AGFG1: variants seen among roughly 807,000 people sequenced by gnomAD.
The protein encoded by AGFG1 is arf-GAP domain and FG repeat-containing protein 1.
A neutral mutation model predicts 60.6 loss-of-function variants in AGFG1; 10 were observed. The ratio of observed to expected loss-of-function variants is 0.16; its 90% confidence interval spans 0.10 to 0.28. The LOEUF (loss-of-function observed/expected upper bound fraction) is 0.28, where lower values mean the gene tolerates loss of function less well. AGFG1 is among the 10% of genes least tolerant of loss of function. The pLI is 1.00. For synonymous variants in AGFG1, 247 were observed against 242.9 expected, an observed-to-expected ratio of 1.02 and a Z score of -0.16; for missense variants, 537 against 676.5, an observed-to-expected ratio of 0.79 and a Z score of 2.29.
intron 1 of AGFG1, among the ~76,000 whole-genome samples, chr2:227,486,486 G>A (rs546020815): frequency 3.7e-4 from 56 of 152,136 alleles, no homozygotes; most frequent in African/African-American, 1.3e-3. Context: ...CTTACATTTT[G>A]CCAACCAGTT....
At chr2:227,497,726 T>C (rs866558425) in intron 2 of AGFG1, among the ~76,000 whole-genome samples, 2 of 40,884 alleles carry the variant, frequency 4.9e-5, no homozygotes, top group Admixed American at 4.6e-4. Flanking sequence ...TGAGTTTCTT[T>C]CTTGTTTTGT....
At chr2:227,544,121 CTT>C (rs1358922541) in intron 10 of AGFG1, among the ~76,000 whole-genome samples, 2 of 139,972 alleles carry the variant, frequency 1.4e-5, no homozygotes, top group Admixed American at 1.4e-4. Flanking sequence ...GGTCTTGACT[CTT>C]TATCCAATTT....
intron 1 of AGFG1, among the ~76,000 whole-genome samples, chr2:227,490,910 G>A (rs991197895): frequency 2.6e-5 from 4 of 152,174 alleles, no homozygotes; most frequent in African/African-American, 9.7e-5. Flanking sequence ...AATCATGCAT[G>A]CAGCAATTTT....
At position 227,491,442 on chromosome 2, in the gene AGFG1, T is replaced by C. The variant is rs570808900; in HGVS notation, c.168-105T>C. 230 of 663,710 alleles carry C rather than the reference T, an allele frequency of 3.5e-4. No homozygotes were observed. The East Asian group carries it at 6.6e-3, about 19-fold the overall frequency. The allele number at this position is 663,710 out of a possible 1,614,324, so 41.1% of individuals were successfully genotyped here. ...CTTTGAGTTTATGGAATGAAAACAC[T>C]GTTTCAAGTTTGTGTGTTGGTTAGA... On this transcript the variant is annotated intron_variant, in intron 1 of 12. Coordinates refer to ENST00000310078, the MANE Select transcript of AGFG1 (RefSeq NM_004504.5).
intron 5 of AGFG1, 148 bp downstream of exon 5, chr2:227,525,063 TATAA>T (rs2106210486): frequency 1.1e-6 from 1 of 887,204 alleles, no homozygotes; most frequent in Admixed American, 2.8e-5. Flanking sequence ...TATGTAACCA[TATAA>T]TTGTGTTGCT....
intron 1 of AGFG1, among the ~76,000 whole-genome samples, chr2:227,483,632 A>G (rs1220536373): frequency 6.6e-6 from 1 of 152,184 alleles, no homozygotes; most frequent in African/African-American, 2.4e-5. Flanking sequence ...GATTAATCCA[A>G]GTTAGTTGTT....
chr2:227,500,804 T>C (rs562872978), intron 2 of AGFG1, among the ~76,000 whole-genome samples: 2 of 152,136 alleles, frequency 1.3e-5, no homozygotes, highest in Non-Finnish European at 2.9e-5. Flanking sequence ...AAAAAATTTT[T>C]TTTTTGAGAC....
At chr2:227,474,155 A>G (rs1194024081) in intron 1 of AGFG1, among the ~76,000 whole-genome samples, 1 of 152,198 alleles carries the variant, frequency 6.6e-6, no homozygotes, top group East Asian at 1.9e-4. Context: ...CATGCATTTC[A>G]TTTACAGAAA....
At chr2:227,524,951 G>C in intron 5 of AGFG1, 36 bp downstream of exon 5, 3 of 1,610,106 alleles carry the variant, frequency 1.9e-6, no homozygotes, top group Non-Finnish European at 2.5e-6. Flanking sequence ...TGCTGGGGAT[G>C]CATATAAAAC....
At chr2:227,537,745 G>A (rs937917638) in intron 10 of AGFG1, among the ~76,000 whole-genome samples, 3 of 152,110 alleles carry the variant, frequency 2.0e-5, no homozygotes, top group African/African-American at 7.2e-5. Context: ...GAGTTTGTAT[G>A]CTTTGTTTTT....
chr2:227,495,834 G>A (rs539057074), intron 2 of AGFG1, among the ~76,000 whole-genome samples: 95 of 152,184 alleles, frequency 6.2e-4, no homozygotes, highest in African/African-American at 2.2e-3. Context: ...CAAGTGCAGT[G>A]GCTCATGCTT....
rs1418160105 is a variant in AGFG1, at chr2:227,560,968, A to G, written c.*6473A>G. 3.3e-5 allele frequency: 5 copies of G among 152,222 alleles called. No individual in the cohort carries two copies. The highest frequency in any genetic ancestry group is 7.4e-5 in the Non-Finnish European group (5 of 68,012). The allele number at this position is 152,222 out of a possible 1,614,324, so 9.4% of individuals were successfully genotyped here. On this transcript the variant is annotated 3_prime_UTR_variant, in exon 13 of 13. Coordinates refer to ENST00000310078, the MANE Select transcript of AGFG1 (RefSeq NM_004504.5). Reference sequence around the variant, plus strand: ...AACAAGGAAACTTACTGGGAAGTTCAAAAGAAAGAATAACAGGACCTTCTA... The same window carrying G: ...AACAAGGAAACTTACTGGGAAGTTCGAAAGAAAGAATAACAGGACCTTCTA...
intron 5 of AGFG1, among the ~76,000 whole-genome samples, chr2:227,525,996 C>T (rs987931715): frequency 2.0e-5 from 3 of 152,122 alleles, no homozygotes; most frequent in Non-Finnish European, 1.5e-5. Context: ...ATACATGATT[C>T]TTTTCCATCA....
In AGFG1 at chr2:227,533,355, C is replaced by T. The variant is rs145160544; in HGVS notation, c.815-194C>T. 5.1e-3 allele frequency among the ~76,000 whole-genome samples: 771 copies of T among 152,256 alleles called. 13 individuals are homozygous for T. Among genetic ancestry groups the T allele is most frequent in the Middle Eastern group, 6.8e-3 (2 of 294 alleles). ...AGAAACATGTTACTTTACCTGTTGC[C>T]AAGGCCTTTGAAAAATCTACTTTTA... On this transcript the variant is annotated intron_variant, in intron 6 of 12. Coordinates refer to ENST00000310078, the MANE Select transcript of AGFG1 (RefSeq NM_004504.5).
chr2:227,533,752 G>C lies in AGFG1; in HGVS notation c.1018G>C (p.Gly340Arg), dbSNP rs267599235. The C allele has an allele frequency of 3.7e-6, 6 of 1,613,022 alleles. No homozygotes were observed. The highest frequency in any genetic ancestry group is 3.3e-5 in the Admixed American group (2 of 59,928). Residue 340 changes from glycine to arginine, a missense_variant, in exon 7 of 13, where the codon GGG (glycine) becomes CGG (arginine). Gly to Arg is a moderately radical substitution (Grantham distance 125). Transcript: ENST00000310078. ...TAATTTAGACAATATCTTCAGTGCCGGGCAAGGTATCAAGCTTTAAGCAAA... is the reference window on the plus strand; with the variant it reads ...TAATTTAGACAATATCTTCAGTGCCCGGCAAGGTATCAAGCTTTAAGCAAA... ...LANLDNIFSA[G>R]QGGDQGSGFG... is the part of the protein sequence containing the mutation.
chr2:227,533,467 T>C, intron 6 of AGFG1, 82 bp from the exon 7 acceptor site: 1 of 1,211,896 alleles, frequency 8.3e-7, no homozygotes, highest in South Asian at 1.3e-5. Flanking sequence ...ACATTTAATT[T>C]AGGAAGAAAT....
chr2:227,505,985 A>C (rs566322918), intron 2 of AGFG1, among the ~76,000 whole-genome samples: 1 of 152,196 alleles, frequency 6.6e-6, no homozygotes, highest in African/African-American at 2.4e-5. Context: ...CTCGTGATCC[A>C]CCTGCCTTGG....
chr2:227,540,193 T>G (rs965527245), intron 10 of AGFG1, among the ~76,000 whole-genome samples: 10 of 108,514 alleles, frequency 9.2e-5, no homozygotes, highest in Non-Finnish European at 1.2e-4. Context: ...ACTTTGGGGC[T>G]TTAGTTTTTT....
intron 1 of AGFG1, among the ~76,000 whole-genome samples, chr2:227,475,353 A>G (rs921966486): frequency 2.6e-5 from 4 of 152,196 alleles, no homozygotes; most frequent in African/African-American, 9.7e-5. Flanking sequence ...AACTGGACAC[A>G]TGTTCTAACC....
Sources: gnomAD v4.1 joint callset for allele counts (sites outside exome capture counted in the v4.1 genomes callset) on GRCh38, gnomAD v4.1.1 for gene constraint, MANE v1.5 for transcripts, NCBI Gene and HGNC (gene_info 2026-07-23, HGNC 2026-07-21) for gene names.